WNK2: variants seen among roughly 807,000 people sequenced by gnomAD.
WNK2 encodes the protein WNK lysine deficient protein kinase 2.
WNK2 carries 67 observed loss-of-function variants against 192.1 expected under a neutral mutation model. The ratio of observed to expected loss-of-function variants is 0.35; its 90% CI spans 0.29 to 0.43. WNK2 has a LOEUF of 0.43. Ranked by LOEUF, WNK2 falls within the 20% of genes least tolerant of loss-of-function variation. The pLI is 1.00. For synonymous variants in WNK2, 1,439 were observed against 1,393.9 expected, an observed-to-expected ratio of 1.03 and a Z score of -0.72; for missense variants, 2,698 against 3,089.7, an observed-to-expected ratio of 0.87 and a Z score of 3.01.
At chr9:93,196,287 G>T (rs1195724629) in intron 2 of WNK2, among the ~76,000 whole-genome samples, 1 of 152,136 alleles carries the variant, frequency 6.6e-6, no homozygotes, top group Non-Finnish European at 1.5e-5. Flanking sequence ...GCTCTCCGGT[G>T]GGGGAGATGG....
At chr9:93,234,554 G>GA (rs1316602618) in intron 4 of WNK2, among the ~76,000 whole-genome samples, 1 of 152,190 alleles carries the variant, frequency 6.6e-6, no homozygotes, top group Admixed American at 6.5e-5. Context: ...TATGAGCAGG[G>GA]GATGGCTCTG....
chr9:93,317,818 G>A, intron 29 of WNK2, 187 bp downstream of exon 29: 3 of 1,494,866 alleles, frequency 2.0e-6, no homozygotes, highest in Admixed American at 2.2e-5. Context: ...CCTGTGGTCA[G>A]CATGCCTGGC....
intron 12 of WNK2, among the ~76,000 whole-genome samples, chr9:93,260,662 A>G (rs1318577368): frequency 6.6e-6 from 1 of 152,170 alleles, no homozygotes; most frequent in Non-Finnish European, 1.5e-5. Context: ...TCTTATCTCC[A>G]GAGGGCTTTG....
At chr9:93,273,599 T>C (rs937651460) in intron 19 of WNK2, among the ~76,000 whole-genome samples, 2 of 152,166 alleles carry the variant, frequency 1.3e-5, no homozygotes, top group African/African-American at 4.8e-5. Context: ...TCCAACACTC[T>C]CGATAGATAG....
chr9:93,317,975 G>T (rs149156267), intron 29 of WNK2: 2 of 1,612,700 alleles, frequency 1.2e-6, no homozygotes, highest in Admixed American at 1.7e-5. Context: ...GGGGGACAGC[G>T]GGTGGGCAGC....
At chr9:93,306,939 C>G (rs1363261106) in intron 27 of WNK2, 118 bp downstream of exon 27, 1 of 1,291,608 alleles carries the variant, frequency 7.7e-7, no homozygotes, top group African/African-American at 1.5e-5. Flanking sequence ...GCCTGCCCCG[C>G]GCCTGCTCCA....
rs376309078 is a variant in WNK2, at chr9:93,261,852, C to T, written c.3105C>T (p.Val1035=). 53 of 1,598,416 alleles carry T rather than the reference C, an allele frequency of 3.3e-5. No homozygotes were observed. The highest frequency in any genetic ancestry group is 1.1e-4 in the East Asian group (5 of 44,840). The change falls in exon 13 of 30, where the codon GTC becomes GTT. Residue 1035 remains valine, a synonymous_variant. Coordinates refer to ENST00000427277, the MANE Select transcript of WNK2 (RefSeq NM_006648.4). ...ACCCAGCTCCCTATGCTGTGGACGT[C>T]GCCGCTCAGGTCCCCACCGTGCCTG... is the stretch of plus-strand genomic sequence containing the variant. ...LGHPAPYAVD[V]AAQVPTVPVP...
intron 19 of WNK2, among the ~76,000 whole-genome samples, chr9:93,286,702 C>G (rs1848491266): frequency 6.6e-6 from 1 of 152,196 alleles, no homozygotes; most frequent in African/African-American, 2.4e-5. Context: ...GGAAGAAATA[C>G]CTGCTCTCCT....
At chr9:93,197,096 C>T (rs899076744) in intron 2 of WNK2, among the ~76,000 whole-genome samples, 2 of 152,228 alleles carry the variant, frequency 1.3e-5, no homozygotes, top group African/African-American at 4.8e-5. Flanking sequence ...TTAGCCCCAA[C>T]ATTTTATTTT....
At chr9:93,200,792 G>T (rs1181233654) in intron 2 of WNK2, among the ~76,000 whole-genome samples, 2 of 152,100 alleles carry the variant, frequency 1.3e-5, no homozygotes, top group African/African-American at 4.8e-5. Context: ...GTAAAAAGAG[G>T]GTTTAAAAGG....
At chr9:93,226,567 G>C (rs1207722731) in intron 2 of WNK2, among the ~76,000 whole-genome samples, 2 of 152,116 alleles carry the variant, frequency 1.3e-5, no homozygotes, top group African/African-American at 4.8e-5. Context: ...GAGCCCACGT[G>C]CTCTGTTATG....
chr9:93,240,005 G>A (rs1478368152), intron 7 of WNK2, 29 bp downstream of exon 7: 2 of 1,593,344 alleles, frequency 1.3e-6, no homozygotes, highest in Non-Finnish European at 1.7e-6. Flanking sequence ...GGGTGAGGTG[G>A]GTGCAGGTGT....
At chr9:93,197,241 G>A (rs1831432377) in intron 2 of WNK2, among the ~76,000 whole-genome samples, 1 of 152,162 alleles carries the variant, frequency 6.6e-6, no homozygotes, top group Non-Finnish European at 1.5e-5. Context: ...TGTGTCTCTT[G>A]ATAGGAACGA....
intron 2 of WNK2, among the ~76,000 whole-genome samples, chr9:93,225,437 A>G (rs1837646006): frequency 6.6e-6 from 1 of 152,180 alleles, no homozygotes. Context: ...ACATTGATTA[A>G]AATAGTCGTG....
At chr9:93,245,477 C>T (rs1841526645) in intron 7 of WNK2, among the ~76,000 whole-genome samples, 1 of 152,174 alleles carries the variant, frequency 6.6e-6, no homozygotes, top group South Asian at 2.1e-4. Context: ...CCACAGGAAT[C>T]TCATGGAAGG....
rs74773853 is a variant in WNK2, at chr9:93,264,636, C to T, written c.3696+603C>T. On this transcript the variant is annotated intron_variant, in intron 16 of 29. Transcript: ENST00000427277. ...GAAACTCTCCAGCTGAAAGCACGCACGAAGAAACATGGAAAGGATGTACAT... is the reference window on the plus strand; with the variant it reads ...GAAACTCTCCAGCTGAAAGCACGCATGAAGAAACATGGAAAGGATGTACAT... 3.6e-3 allele frequency among the ~76,000 whole-genome samples: 551 copies of T among 152,302 alleles called. 5 individuals carry two copies. The highest frequency in any genetic ancestry group is 0.014 in the Middle Eastern group (4 of 294).
chr9:93,200,325 A>G (rs1832107329), intron 2 of WNK2, among the ~76,000 whole-genome samples: 2 of 152,214 alleles, frequency 1.3e-5, no homozygotes, highest in African/African-American at 4.8e-5. Context: ...GTCCTGGGTC[A>G]GCTGGATATG....
chr9:93,291,897 G>A (rs1849424289), intron 21 of WNK2, among the ~76,000 whole-genome samples: 1 of 152,186 alleles, frequency 6.6e-6, no homozygotes, highest in Admixed American at 6.5e-5. Context: ...GACAGTTTTT[G>A]AGACACCGTG....
intron 5 of WNK2, among the ~76,000 whole-genome samples, chr9:93,235,353 A>G (rs561000412): frequency 8.0e-4 from 122 of 152,346 alleles, no homozygotes; most frequent in African/African-American, 2.7e-3. Flanking sequence ...TGGGCCGCCC[A>G]TGGCTGCCTG....
Sources: gnomAD v4.1 joint callset for allele counts (sites outside exome capture counted in the v4.1 genomes callset) on GRCh38, gnomAD v4.1.1 for gene constraint, MANE v1.5 for transcripts, NCBI Gene and HGNC (gene_info 2026-07-23, HGNC 2026-07-21) for gene names.